The following TEX9 variants were observed in gnomAD, a reference collection of about 807,000 sequenced individuals.
The protein encoded by TEX9 is testis-expressed protein 9.
In TEX9, 74 loss-of-function variants were observed where a neutral mutation model predicts 59.6. That is an observed-to-expected ratio of 1.24 (90% CI 1.03 to 1.51). The LOEUF is 1.51. Ranked by LOEUF, TEX9 falls within the 40% of genes most tolerant of loss-of-function variation. The pLI, the probability that TEX9 is intolerant of heterozygous loss-of-function variation, is 0.00. For synonymous variants in TEX9, 186 were observed against 152.2 expected (o/e 1.22, Z -1.64); for missense variants, 522 against 447.8 (o/e 1.17, Z -1.49).
At chr15:56,309,801 A>G (rs1287097621) in intron 1 of TEX9, among the ~76,000 whole-genome samples, 2 of 139,982 alleles carry the variant, frequency 1.4e-5, no homozygotes, top group African/African-American at 5.3e-5. Flanking sequence ...ATTTGTGCAG[A>G]GGTGACTGGG....
At chr15:56,455,337 A>C in the TEX9 span, among the ~76,000 whole-genome samples, 2 of 151,952 alleles carry the variant, frequency 1.3e-5, no homozygotes, top group Non-Finnish European at 2.9e-5. Context: ...GACTAGAACA[A>C]TAAGCAGATT....
chr15:56,382,877 G>C (rs1350974903), intron 3 of TEX9, among the ~76,000 whole-genome samples: 1 of 152,188 alleles, frequency 6.6e-6, no homozygotes, highest in Non-Finnish European at 1.5e-5. Context: ...GCCCTGGTTG[G>C]TGTTTTCCTA....
intron 1 of TEX9, among the ~76,000 whole-genome samples, chr15:56,276,115 C>A (rs2682063): frequency 0.047 from 7,059 of 151,490 alleles, 229 homozygotes; most frequent in East Asian, 0.095. Context: ...TGGGTGTGGT[C>A]TCCTTTGTAT....
At chr15:56,298,727 A>G (rs2045273237) in intron 1 of TEX9, among the ~76,000 whole-genome samples, 1 of 152,082 alleles carries the variant, frequency 6.6e-6, no homozygotes, top group African/African-American at 2.4e-5. Context: ...TACCACTCTA[A>G]TGAAACTGCT....
chr15:56,420,489 G>A (rs1248904533), intron 10 of TEX9, among the ~76,000 whole-genome samples: 1 of 151,648 alleles, frequency 6.6e-6, no homozygotes, highest in Non-Finnish European at 1.5e-5. Context: ...TGTATTTTTA[G>A]TAGAGATGGG....
chr15:56,252,379 C>T (rs1295439653), intron 1 of TEX9, among the ~76,000 whole-genome samples: 16 of 119,706 alleles, frequency 1.3e-4, no homozygotes, highest in Non-Finnish European at 1.3e-4. Flanking sequence ...TTAGAAAAAC[C>T]TTTTTTTTTT....
intron 6 of TEX9, among the ~76,000 whole-genome samples, chr15:56,390,987 C>G (rs1330818742): frequency 1.3e-5 from 2 of 151,942 alleles, no homozygotes; most frequent in Non-Finnish European, 2.9e-5. Context: ...TCATAAAAAC[C>G]AAAAATCTGC....
intron 9 of TEX9, among the ~76,000 whole-genome samples, chr15:56,403,245 C>T (rs540614627): frequency 7.0e-4 from 106 of 152,348 alleles, no homozygotes; most frequent in African/African-American, 2.4e-3. Flanking sequence ...CCCATCGTCT[C>T]AGCCCAAAAT....
At chr15:56,274,905 G>C (rs2044633138) in intron 1 of TEX9, among the ~76,000 whole-genome samples, 1 of 152,082 alleles carries the variant, frequency 6.6e-6, no homozygotes, top group Non-Finnish European at 1.5e-5. Flanking sequence ...AGTTTTTCTT[G>C]AAGTTCCTAA....
chr15:56,284,590 G>A (rs1343061239), intron 1 of TEX9, among the ~76,000 whole-genome samples: 1 of 152,018 alleles, frequency 6.6e-6, no homozygotes, highest in Non-Finnish European at 1.5e-5. Context: ...AGACTGGAAG[G>A]AAACAATTGT....
At chr15:56,268,824 A>AT (rs1258632729) in intron 1 of TEX9, among the ~76,000 whole-genome samples, 4 of 151,884 alleles carry the variant, frequency 2.6e-5, no homozygotes, top group African/African-American at 7.3e-5. Context: ...TGGTATCAGG[A>AT]TGATGTTGGC....
chr15:56,426,626 T>TATATATATATATATACAC (rs1214988827), intron 10 of TEX9, among the ~76,000 whole-genome samples: 42 of 47,152 alleles, frequency 8.9e-4, no homozygotes, highest in Non-Finnish European at 1.7e-3. Flanking sequence ...TATATATATA[T>TATATATATATATATACAC]ACACACACAC....
intron 1 of TEX9, among the ~76,000 whole-genome samples, chr15:56,283,620 A>C (rs1370593228): frequency 1.3e-5 from 2 of 152,194 alleles, no homozygotes; most frequent in East Asian, 3.8e-4. Flanking sequence ...AGATGGTTTG[A>C]GTTAAATATC....
chr15:56,274,418 C>T (rs1409720406), intron 1 of TEX9: 2 of 152,042 alleles, frequency 1.3e-5, no homozygotes, highest in African/African-American at 4.8e-5. Flanking sequence ...TTTTAAGTTA[C>T]TTGTCAGATA....
chr15:56,290,641 G>C (rs1370549620), intron 1 of TEX9, among the ~76,000 whole-genome samples: 1 of 152,046 alleles, frequency 6.6e-6, no homozygotes, highest in East Asian at 1.9e-4. Flanking sequence ...TGTTTATAGA[G>C]GTGGGTTCTC....
intron 12 of TEX9, chr15:56,434,542 C>T (rs2050685968): frequency 1.1e-6 from 1 of 871,852 alleles, no homozygotes; most frequent in Non-Finnish European, 1.7e-6. Context: ...TAACTTTGTC[C>T]ATCCCTTTAA....
chr15:56,422,197 ATATG>A (rs1412639181), intron 10 of TEX9, among the ~76,000 whole-genome samples: 1 of 151,342 alleles, frequency 6.6e-6, no homozygotes, highest in Admixed American at 6.6e-5. Context: ...ACATGTATAC[ATATG>A]TAACTAACCT....
downstream of TEX9, among the ~76,000 whole-genome samples, chr15:56,450,428 C>G (rs1245620947): frequency 6.6e-6 from 1 of 152,168 alleles, no homozygotes; most frequent in African/African-American, 2.4e-5. Context: ...ATTCTTCCCT[C>G]TCCCTAACCC....
At chr15:56,345,874 T>C (rs1173217952) in intron 1 of TEX9, among the ~76,000 whole-genome samples, 1 of 152,108 alleles carries the variant, frequency 6.6e-6, no homozygotes, top group Non-Finnish European at 1.5e-5. Context: ...AGCATGTTGT[T>C]GTAGGAGCCA....
Sources: allele counts gnomAD v4.1 joint callset (sites outside exome capture counted in the v4.1 genomes callset), GRCh38; gene constraint gnomAD v4.1.1; transcripts MANE v1.5; gene names NCBI Gene and HGNC (gene_info 2026-07-23, HGNC 2026-07-21).